Variants in SRR observed in about 807,000 individuals in gnomAD.
SRR encodes serine racemase.
A neutral mutation model predicts 32.7 loss-of-function variants in SRR; 19 were observed. The ratio of observed to expected loss-of-function variants is 0.58; its 90% CI spans 0.40 to 0.85. The LOEUF is 0.85. Ranked by LOEUF, SRR falls within the 40% of genes least tolerant of loss-of-function variation. SRR has a pLI of 0.00. For missense variants in SRR, 373 were observed against 404.7 expected, an observed-to-expected ratio of 0.92 and a Z score of 0.67; for synonymous variants, 142 against 140.9, an observed-to-expected ratio of 1.01 and a Z score of -0.06.
intron 2 of SRR, among the ~76,000 whole-genome samples, chr17:2,317,608 C>T (rs907556584): frequency 1.3e-5 from 2 of 151,972 alleles, no homozygotes; most frequent in East Asian, 3.9e-4. Context: ...CACTTGAACC[C>T]GGCCCTGGGG....
intron 2 of SRR, among the ~76,000 whole-genome samples, chr17:2,316,857 C>T (rs942657308): frequency 6.6e-6 from 1 of 150,946 alleles, no homozygotes; most frequent in Non-Finnish European, 1.5e-5. Context: ...GGACTACAGG[C>T]GCCTGCCACC....
At chr17:2,303,913 G>T, upstream of SRR, 1 of 471,894 alleles carries the variant, frequency 2.1e-6, no homozygotes, top group East Asian at 3.9e-5. Context: ...GGGCGGGACC[G>T]GAGCGAGAGC....
At chr17:2,321,972 A>G (rs1044323350) in intron 6 of SRR, among the ~76,000 whole-genome samples, 2 of 152,106 alleles carry the variant, frequency 1.3e-5, no homozygotes, top group Non-Finnish European at 2.9e-5. Context: ...TAGTAGAGAC[A>G]GGGTTTCACC....
chr17:2,319,260 T>A (rs2075504367), intron 4 of SRR, among the ~76,000 whole-genome samples: 1 of 152,196 alleles, frequency 6.6e-6, no homozygotes, highest in African/African-American at 2.4e-5. Flanking sequence ...CTATATTGCT[T>A]CCCTTCCAGT....
intron 1 of SRR, chr17:2,306,741 T>C (rs1597256672): frequency 8.4e-6 from 5 of 591,732 alleles, no homozygotes; most frequent in South Asian, 1.9e-5. Context: ...ACAAACACTT[T>C]CCACCCATGG....
chr17:2,324,089 T>C lies in SRR; in HGVS notation c.*216T>C. 3 of 1,427,142 alleles carry C rather than the reference T, an allele frequency of 2.1e-6. No homozygotes were observed. Among genetic ancestry groups the C allele is most frequent in the Non-Finnish European group, 1.9e-6 (2 of 1,062,262 alleles). The allele number at this position is 1,427,142 out of a possible 1,614,324, so 88.4% of individuals were successfully genotyped here. A position where few individuals can be genotyped will look rare whatever the true frequency, so the allele number is the denominator to read the frequency against. ...AAAAAAGTCTTGCAAAATGGGGCAG[T>C]GGACTGACAGGCTGACATAGAAAAT... On this transcript the variant is annotated 3_prime_UTR_variant, in exon 8 of 8. Coordinates refer to ENST00000344595, the MANE Select transcript of SRR (RefSeq NM_021947.3).
chr17:2,308,411 T>TA (rs898619558), intron 1 of SRR, among the ~76,000 whole-genome samples: 3 of 152,180 alleles, frequency 2.0e-5, no homozygotes, highest in Admixed American at 6.6e-5. Context: ...AAATAATTTT[T>TA]AAAAAAGGGA....
At chr17:2,303,527 G>A (rs899112522), upstream of SRR, 4 of 1,335,484 alleles carry the variant, frequency 3.0e-6, no homozygotes, top group Non-Finnish European at 3.8e-6. Flanking sequence ...GCTGGGGGAA[G>A]GGGCGGGGGC....
chr17:2,311,990 A>G (rs1472537665), intron 1 of SRR, among the ~76,000 whole-genome samples: 2 of 152,168 alleles, frequency 1.3e-5, no homozygotes, highest in Admixed American at 6.5e-5. Context: ...CGGAAGGATC[A>G]CTTGAGCTCA....
intron 6 of SRR, among the ~76,000 whole-genome samples, chr17:2,321,954 A>AT (rs948625963): frequency 4.6e-5 from 7 of 151,296 alleles, no homozygotes; most frequent in South Asian, 2.1e-4. Flanking sequence ...ATTTTTTTGT[A>AT]TTTTTTTTAG....
chr17:2,306,476 G>A (rs2075391094), intron 1 of SRR, among the ~76,000 whole-genome samples: 1 of 152,134 alleles, frequency 6.6e-6, no homozygotes, highest in African/African-American at 2.4e-5. Context: ...CAGCACTTTG[G>A]GAGGCCAAGG....
In SRR at chr17:2,321,357, G is replaced by A. The variant is rs1438267432; in HGVS notation, c.451G>A (p.Val151Ile). The A allele has an allele frequency of 3.7e-6, 6 of 1,613,312 alleles. No individual in the cohort carries two copies. The highest frequency in any genetic ancestry group is 5.1e-6 in the Non-Finnish European group (6 of 1,179,836). Residue 151 changes from valine to isoleucine, a missense_variant, in exon 5 of 8, where the codon GTA (valine) becomes ATA (isoleucine). Coordinates refer to ENST00000344595, the MANE Select transcript of SRR (RefSeq NM_021947.3). The stretch of plus-strand genomic sequence containing the variant: ...TACAGAAGAAACAGAAGGCATCATG[G>A]TACATCCCAACCAGGAGCCTGCAGT... ...RVTEETEGIMVHPNQEPAVIA... is the reference protein window; with the variant it reads ...RVTEETEGIMIHPNQEPAVIA...
chr17:2,324,283 T>C lies in SRR; in HGVS notation c.*410T>C. The stretch of plus-strand genomic sequence containing the variant: ...CTGGTACATATGGATCATAAGTCCA[T>C]TTGGGGAAGACTCGTTTATACAGGT... On this transcript the variant is annotated 3_prime_UTR_variant, in exon 8 of 8. Transcript: ENST00000344595. 1.3e-6 allele frequency: 2 copies of C among 1,556,658 alleles called. No individual in the cohort carries two copies. Among genetic ancestry groups the C allele is most frequent in the South Asian group, 1.2e-5 (1 of 80,214 alleles).
In SRR at chr17:2,324,999, G is replaced by A. The variant is rs1048765810; in HGVS notation, c.*1126G>A. ...AGCCCACACTTAACCTTGTCAATAGGTTCTTGAAAACTTGTACTTCAAGAG... is the reference window on the plus strand; with the variant it reads ...AGCCCACACTTAACCTTGTCAATAGATTCTTGAAAACTTGTACTTCAAGAG... On this transcript the variant is annotated 3_prime_UTR_variant, in exon 8 of 8. Transcript: ENST00000344595. The A allele has an allele frequency of 7.0e-5, 49 of 702,818 alleles. No individual in the cohort carries two copies. Among genetic ancestry groups the A allele is most frequent in the Non-Finnish European group, 1.1e-4 (49 of 442,332 alleles). 43.5% of individuals were successfully genotyped at this position (702,818 alleles called of 1,614,324 possible). A position where few individuals can be genotyped will look rare whatever the true frequency, so the allele number is the denominator to read the frequency against.
intron 1 of SRR, 107 bp from the exon 2 acceptor site, chr17:2,315,448 CAT>C: frequency 1.9e-6 from 2 of 1,051,810 alleles, no homozygotes; most frequent in Admixed American, 2.8e-5. Flanking sequence ...AGAATTTCCA[CAT>C]GACACCACAG....
chr17:2,307,074 AAAG>A (rs1433402197), intron 1 of SRR: 3 of 1,156,332 alleles, frequency 2.6e-6, no homozygotes, highest in Non-Finnish European at 3.8e-6. Flanking sequence ...TAACTATGGA[AAAG>A]ATATTTGTTG....
At chr17:2,316,998 T>A (rs996450859) in intron 2 of SRR, among the ~76,000 whole-genome samples, 15 of 149,810 alleles carry the variant, frequency 1.0e-4, no homozygotes, top group Admixed American at 1.3e-4. Flanking sequence ...CTGGGATTAC[T>A]GGCATGAGTC....
intron 1 of SRR, among the ~76,000 whole-genome samples, chr17:2,312,094 T>A (rs1164971891): frequency 6.6e-6 from 1 of 151,610 alleles, no homozygotes; most frequent in Non-Finnish European, 1.5e-5. Context: ...TGCACAGTCA[T>A]AGTCCCAGGT....
At chr17:2,303,848 T>G, upstream of SRR, 1 of 743,480 alleles carries the variant, frequency 1.3e-6, no homozygotes, top group Admixed American at 4.0e-5. Context: ...CGCCCTCCCT[T>G]TCCGAACGAC....
Sources: gnomAD v4.1 joint callset for allele counts (sites outside exome capture counted in the v4.1 genomes callset) on GRCh38, gnomAD v4.1.1 for gene constraint, MANE v1.5 for transcripts, NCBI Gene and HGNC (gene_info 2026-07-23, HGNC 2026-07-21) for gene names.